The following PARD3 variants were observed in gnomAD, a reference collection of about 807,000 sequenced individuals.
The protein encoded by PARD3 is par-3 family cell polarity regulator, also known as partitioning defective 3 homolog.
PARD3 carries 75 observed loss-of-function variants against 155.4 expected under a neutral mutation model. The ratio of observed to expected loss-of-function variants is 0.48; its 90% CI spans 0.40 to 0.58. The LOEUF is 0.58. Among genes scored for constraint, PARD3 ranks in the 20% least tolerant of loss-of-function variants. PARD3 has a pLI of 0.00. For missense variants in PARD3, 1,642 were observed against 1,721.7 expected, an observed-to-expected ratio of 0.95 and a Z score of 0.82; for synonymous variants, 576 against 610.5, an observed-to-expected ratio of 0.94 and a Z score of 0.83.
intron 24 of PARD3, among the ~76,000 whole-genome samples, chr10:34,115,776 G>A (rs1236322723): frequency 1.4e-4 from 21 of 150,076 alleles, no homozygotes; most frequent in Non-Finnish European, 2.7e-4. Context: ...GCAGTGGCGC[G>A]ATCTCGGCTC....
chr10:34,773,031 C>T (rs1043182390), intron 1 of PARD3, among the ~76,000 whole-genome samples: 2 of 152,070 alleles, frequency 1.3e-5, no homozygotes, highest in African/African-American at 4.8e-5. Context: ...TAGAACCACA[C>T]GGCACACCAA....
chr10:34,804,043 T>G (rs1843094380), intron 1 of PARD3, among the ~76,000 whole-genome samples: 3 of 151,318 alleles, frequency 2.0e-5, no homozygotes, highest in East Asian at 1.9e-4. Context: ...TTGTTTTTTT[T>G]TTTTTTTTGA....
At chr10:34,636,038 A>C (rs4934642) in intron 2 of PARD3, among the ~76,000 whole-genome samples, 41,751 of 150,944 alleles carry the variant, frequency 0.28, 6,015 homozygotes, top group East Asian at 0.4. Context: ...AAGAAGAAGA[A>C]GAAAGAAAGA....
intron 2 of PARD3, among the ~76,000 whole-genome samples, chr10:34,684,082 T>C (rs1043746997): frequency 6.6e-6 from 1 of 152,224 alleles, no homozygotes; most frequent in Admixed American, 6.5e-5. Context: ...AATCTTTAAA[T>C]CATTCAGTTC....
chr10:34,263,577 T>G (rs1367656619), intron 22 of PARD3, among the ~76,000 whole-genome samples: 1 of 152,208 alleles, frequency 6.6e-6, no homozygotes, highest in Non-Finnish European at 1.5e-5. Flanking sequence ...GAGGATTGCT[T>G]AAGCCCAGGA....
intron 2 of PARD3, among the ~76,000 whole-genome samples, chr10:34,654,567 C>A (rs139659293): frequency 1.3e-5 from 2 of 152,318 alleles, no homozygotes; most frequent in African/African-American, 4.8e-5. Flanking sequence ...CCAGGTTCCA[C>A]AAAAACTCCT....
At chr10:34,113,518 CACACAT>C (rs1259282530) in intron 24 of PARD3, among the ~76,000 whole-genome samples, 1 of 150,694 alleles carries the variant, frequency 6.6e-6, no homozygotes, top group Non-Finnish European at 1.5e-5. Flanking sequence ...CACACACACA[CACACAT>C]AGACACACAC....
At position 34,465,262 on chromosome 10, in the gene PARD3, T is replaced by A. The variant is rs113661175; in HGVS notation, c.582+4823A>T. Among the ~76,000 whole-genome samples, 303 of 152,268 alleles carry A rather than the reference T, an allele frequency of 2.0e-3. 1 individual carries two copies. Among genetic ancestry groups the A allele is most frequent in the African/African-American group, 6.8e-3 (284 of 41,542 alleles). ...CAGAAGCCTGATGGCATTTCCCTGCTTCTATATACCCTTCATTACCGTACA... is the reference window on the plus strand; with the variant it reads ...CAGAAGCCTGATGGCATTTCCCTGCATCTATATACCCTTCATTACCGTACA... On this transcript the variant is annotated intron_variant, in intron 4 of 24. Transcript: ENST00000374788.
In PARD3 at chr10:34,331,216, T is replaced by G; in HGVS notation, c.2734A>C (p.Ile912Leu). The G allele has an allele frequency of 6.2e-7, 1 of 1,614,094 alleles. No homozygotes were observed. Among genetic ancestry groups the G allele is most frequent in the East Asian group, 2.2e-5 (1 of 44,878 alleles). ...TCATTGCATCCCCTGCCTCTGATTA[T>G]CCGCGGCCGTGGACGATGGAAAGGA... ...DIPFHRPRPR[I>L]IRGRGCNESF... Residue 912 changes from isoleucine (I) to leucine (L), a missense_variant, in exon 19 of 25, where the codon ATA becomes CTA. Around this residue, in one of 3 missense-constraint regions of PARD3, gnomAD observed 1,529 missense variants for 1,587.3 expected, o/e 0.96. Coordinates refer to ENST00000374788, the MANE Select transcript of PARD3 (RefSeq NM_001184785.2).
chr10:34,366,461 T>C (rs1006853472), intron 12 of PARD3, among the ~76,000 whole-genome samples: 1 of 152,070 alleles, frequency 6.6e-6, no homozygotes, highest in South Asian at 2.1e-4. Context: ...AACCCCATCA[T>C]AAATTGAGGG....
chr10:34,502,500 A>C (rs1450378593), intron 3 of PARD3, among the ~76,000 whole-genome samples: 2 of 152,208 alleles, frequency 1.3e-5, no homozygotes, highest in Non-Finnish European at 2.9e-5. Context: ...CAGGACTGTA[A>C]TAAACTCTTA....
intron 5 of PARD3, among the ~76,000 whole-genome samples, chr10:34,426,447 AT>A (rs1264965082): frequency 6.6e-6 from 1 of 152,196 alleles, no homozygotes; most frequent in Non-Finnish European, 1.5e-5. Flanking sequence ...GGAGAATGGT[AT>A]TTTTTTGTAG....
intron 1 of PARD3, among the ~76,000 whole-genome samples, chr10:34,733,077 G>C (rs778600423): frequency 1.3e-5 from 2 of 152,126 alleles, no homozygotes; most frequent in Non-Finnish European, 2.9e-5. Flanking sequence ...AAATAAAGGG[G>C]TCTGGGACAA....
chr10:34,785,258 T>A (rs1472968012), intron 1 of PARD3, among the ~76,000 whole-genome samples: 2 of 152,220 alleles, frequency 1.3e-5, no homozygotes, highest in African/African-American at 4.8e-5. Flanking sequence ...AAAAAATAAA[T>A]GGTTTTTCAA....
At chr10:34,796,435 CTAAATA>C (rs1433153856) in intron 1 of PARD3, among the ~76,000 whole-genome samples, 2 of 152,104 alleles carry the variant, frequency 1.3e-5, no homozygotes, top group Non-Finnish European at 2.9e-5. Flanking sequence ...GCAGCAACAC[CTAAATA>C]TAAACTAGGG....
chr10:34,217,272 C>A (rs995774624), intron 22 of PARD3, among the ~76,000 whole-genome samples: 1 of 151,890 alleles, frequency 6.6e-6, no homozygotes, highest in Non-Finnish European at 1.5e-5. Flanking sequence ...AGAACTAGAT[C>A]GTACACGTCA....
At chr10:34,195,443 C>T (rs1427575124) in intron 22 of PARD3, among the ~76,000 whole-genome samples, 2 of 151,704 alleles carry the variant, frequency 1.3e-5, no homozygotes, top group East Asian at 1.9e-4. Context: ...CACACACGTA[C>T]TAAAACGAGT....
chr10:34,665,059 G>C (rs1372418717), intron 2 of PARD3, among the ~76,000 whole-genome samples: 1 of 151,732 alleles, frequency 6.6e-6, no homozygotes, highest in Admixed American at 6.6e-5. Flanking sequence ...ACTGAATAGA[G>C]GCAATATAAG....
intron 1 of PARD3, among the ~76,000 whole-genome samples, chr10:34,768,838 G>A (rs1838467220): frequency 6.6e-6 from 1 of 152,210 alleles, no homozygotes; most frequent in Non-Finnish European, 1.5e-5. Context: ...CCTGCTGAGC[G>A]CACTCAGGGT....
Sources: allele counts gnomAD v4.1 joint callset (sites outside exome capture counted in the v4.1 genomes callset), GRCh38; gene constraint gnomAD v4.1.1; regional missense constraint gnomAD v4.1.1; transcripts MANE v1.5; gene names NCBI Gene and HGNC (gene_info 2026-07-23, HGNC 2026-07-21).